LUZP2: variants seen among roughly 807,000 people sequenced by gnomAD.
LUZP2 encodes the protein leucine zipper protein 2.
A neutral mutation model predicts 51.6 loss-of-function variants in LUZP2; 52 were observed. That is an observed-to-expected ratio of 1.01 (90% CI 0.81 to 1.27). The LOEUF (loss-of-function observed/expected upper bound fraction) is 1.27, where lower values mean the gene tolerates loss of function less well. Ranked by LOEUF, LUZP2 falls within the 50% of genes most tolerant of loss-of-function variation. The probability of loss-of-function intolerance (pLI) is 0.00; values close to 1 mark genes in which losing one functional copy is unlikely to be tolerated. For missense variants in LUZP2, 436 were observed against 395.4 expected, an observed-to-expected ratio of 1.10 and a Z score of -0.87; for synonymous variants, 154 against 137.3, an observed-to-expected ratio of 1.12 and a Z score of -0.85.
At chr11:24,854,463 C>T (rs1343036795) in intron 5 of LUZP2, among the ~76,000 whole-genome samples, 2 of 152,128 alleles carry the variant, frequency 1.3e-5, no homozygotes, top group African/African-American at 4.8e-5. Flanking sequence ...ATGGTGGATG[C>T]CCCTTCCATC....
chr11:24,908,819 G>A (rs1853540282), intron 6 of LUZP2, among the ~76,000 whole-genome samples: 2 of 149,090 alleles, frequency 1.3e-5, no homozygotes, highest in South Asian at 2.1e-4. Flanking sequence ...GCAGTGGCAC[G>A]ATCTAGGCTC....
chr11:24,957,955 T>C (rs12362151), intron 7 of LUZP2, among the ~76,000 whole-genome samples: 2,379 of 152,218 alleles, frequency 0.016, 33 homozygotes, highest in Non-Finnish European at 0.026. Flanking sequence ...CCTGTGTCCA[T>C]GTGTTCTCAT....
chr11:24,637,340 C>T (rs1392505140), intron 1 of LUZP2, among the ~76,000 whole-genome samples: 1 of 151,740 alleles, frequency 6.6e-6, no homozygotes, highest in African/African-American at 2.4e-5. Flanking sequence ...ATGTATGTCA[C>T]CTCAGGACCC....
chr11:24,858,912 CAG>C (rs1399344839), intron 5 of LUZP2, among the ~76,000 whole-genome samples: 1 of 152,174 alleles, frequency 6.6e-6, no homozygotes, highest in African/African-American at 2.4e-5. Flanking sequence ...CAGTGTTCTT[CAG>C]AGATAGAACA....
chr11:25,076,595 G>A (rs1294340958), intron 10 of LUZP2, among the ~76,000 whole-genome samples: 1 of 129,704 alleles, frequency 7.7e-6, no homozygotes, highest in Non-Finnish European at 1.7e-5. Context: ...AGGGAAAGAA[G>A]AGGGAACTAA....
chr11:24,587,807 A>G (rs1202880884), intron 1 of LUZP2, among the ~76,000 whole-genome samples: 1 of 152,126 alleles, frequency 6.6e-6, no homozygotes, highest in Non-Finnish European at 1.5e-5. Context: ...AATGAAATAT[A>G]TGTGTTTAAG....
At chr11:24,523,955 A>G (rs1027156358) in intron 1 of LUZP2, among the ~76,000 whole-genome samples, 23 of 151,780 alleles carry the variant, frequency 1.5e-4, no homozygotes, top group African/African-American at 5.6e-4. Context: ...AGGTCAGGTG[A>G]GGCCTAAGGG....
intron 5 of LUZP2, among the ~76,000 whole-genome samples, chr11:24,790,230 C>A (rs1439629620): frequency 6.6e-6 from 1 of 151,982 alleles, no homozygotes; most frequent in Non-Finnish European, 1.5e-5. Context: ...CTTTGAAATA[C>A]AGTATATTTT....
chr11:24,842,915 A>AC (rs1851081890), intron 5 of LUZP2, among the ~76,000 whole-genome samples: 1 of 151,926 alleles, frequency 6.6e-6, no homozygotes. Flanking sequence ...GAAGTAATAG[A>AC]GAAAAAAATA....
chr11:25,016,679 G>T (rs914145754), intron 9 of LUZP2, among the ~76,000 whole-genome samples: 1 of 152,018 alleles, frequency 6.6e-6, no homozygotes, highest in Non-Finnish European at 1.5e-5. Flanking sequence ...ATCAGTTGAT[G>T]TTCACTTAGT....
At chr11:24,724,382 T>TA (rs1162638379) in intron 1 of LUZP2, among the ~76,000 whole-genome samples, 1 of 151,926 alleles carries the variant, frequency 6.6e-6, no homozygotes. Flanking sequence ...TCAGCCTGGG[T>TA]AACATGGCAA....
At chr11:24,771,543 T>C (rs78851638) in intron 5 of LUZP2, among the ~76,000 whole-genome samples, 12,150 of 151,000 alleles carry the variant, frequency 0.08, 1,063 homozygotes, top group African/African-American at 0.22. Context: ...TTTGCATATA[T>C]TGAGAATATA....
chr11:24,846,121 T>A (rs1420409524), intron 5 of LUZP2, among the ~76,000 whole-genome samples: 2 of 151,224 alleles, frequency 1.3e-5, no homozygotes, highest in Non-Finnish European at 2.9e-5. Context: ...GAGAGAAACA[T>A]GAATTCAAGG....
At chr11:24,852,677 G>A (rs570262019) in intron 5 of LUZP2, among the ~76,000 whole-genome samples, 9 of 151,364 alleles carry the variant, frequency 5.9e-5, no homozygotes, top group East Asian at 3.9e-4. Context: ...TTTCTGTTTC[G>A]TTGATCTGTC....
intron 5 of LUZP2, among the ~76,000 whole-genome samples, chr11:24,881,749 T>C (rs1234799137): frequency 6.6e-6 from 1 of 152,062 alleles, no homozygotes; most frequent in Non-Finnish European, 1.5e-5. Flanking sequence ...TAAAATGAAA[T>C]ATTTTTACAA....
chr11:24,948,397 T>A (rs7482107), intron 7 of LUZP2, among the ~76,000 whole-genome samples: 56,749 of 151,532 alleles, frequency 0.37, 12,287 homozygotes, highest in East Asian at 0.7. Flanking sequence ...TCTTTTAAAT[T>A]ATTTATTTGC....
chr11:25,025,809 T>G (rs963559703), intron 9 of LUZP2, among the ~76,000 whole-genome samples: 1 of 152,076 alleles, frequency 6.6e-6, no homozygotes, highest in African/African-American at 2.4e-5. Flanking sequence ...ACCCAAAGGA[T>G]TATAAATCAT....
intron 4 of LUZP2, among the ~76,000 whole-genome samples, chr11:24,739,855 C>T (rs960823511): frequency 4.6e-5 from 7 of 152,076 alleles, no homozygotes; most frequent in East Asian, 1.9e-4. Context: ...CCTGTTAGGA[C>T]GGGCATGTGG....
At chr11:24,970,015 C>T (rs955021699) in intron 7 of LUZP2, among the ~76,000 whole-genome samples, 16 of 152,228 alleles carry the variant, frequency 1.1e-4, no homozygotes, top group African/African-American at 3.6e-4. Context: ...TTCTTAGAGC[C>T]TTAAAAATGG....
Sources: gnomAD v4.1 joint callset for allele counts (sites outside exome capture counted in the v4.1 genomes callset) on GRCh38, gnomAD v4.1.1 for gene constraint, MANE v1.5 for transcripts, NCBI Gene and HGNC (gene_info 2026-07-23, HGNC 2026-07-21) for gene names.